The following PTP4A3 variants were observed in gnomAD, a reference collection of about 807,000 sequenced individuals.
The protein encoded by PTP4A3 is protein tyrosine phosphatase 4A3, also known as protein tyrosine phosphatase type IVA 3.
In PTP4A3, 9 loss-of-function variants were observed where a neutral mutation model predicts 15.2. The ratio of observed to expected loss-of-function variants is 0.59; its 90% CI spans 0.36 to 1.03. The LOEUF (loss-of-function observed/expected upper bound fraction) is 1.03. Among genes scored for constraint, PTP4A3 ranks in the 50% least tolerant of loss-of-function variants. The pLI is 0.02. For synonymous variants in PTP4A3, 95 were observed against 102.0 expected (o/e 0.93, Z 0.41); for missense variants, 234 against 252.1 (o/e 0.93, Z 0.49).
rs987948605 is a variant in PTP4A3, at chr8:141,425,727, G to A, written c.198+587G>A. ...CCCTGGTGCAGGCCTGCCCAGCTGCGCCTGGGCCTCAGTCTCCTCAGTGCG... is the reference window on the plus strand; with the variant it reads ...CCCTGGTGCAGGCCTGCCCAGCTGCACCTGGGCCTCAGTCTCCTCAGTGCG... On this transcript the variant is annotated intron_variant, in intron 3 of 5. Coordinates refer to ENST00000521578, the MANE Select transcript of PTP4A3 (RefSeq NM_032611.3). The surrounding 1 kb of genome is among the most constrained non-coding windows in gnomAD (Gnocchi z 4.2). Among the ~76,000 whole-genome samples, 24 of 152,190 alleles carry A rather than the reference G, an allele frequency of 1.6e-4. No individual in the cohort carries two copies. The highest frequency in any genetic ancestry group is 4.6e-4 in the Admixed American group (7 of 15,292).
intron 2 of PTP4A3, among the ~76,000 whole-genome samples, chr8:141,424,023 C>A (rs999148211): frequency 6.6e-5 from 10 of 152,070 alleles, no homozygotes; most frequent in Admixed American, 1.3e-4. Flanking sequence ...TCAGGAAGGG[C>A]TCAGCCTGTG....
intron 1 of PTP4A3, among the ~76,000 whole-genome samples, chr8:141,408,842 C>T (rs1832796492): frequency 6.6e-6 from 1 of 152,196 alleles, no homozygotes; most frequent in Non-Finnish European, 1.5e-5. Context: ...ACCCAGGGCT[C>T]AGGGCAGGGC....
intron 1 of PTP4A3, among the ~76,000 whole-genome samples, chr8:141,408,049 C>G (rs913794548): frequency 2.6e-5 from 4 of 152,200 alleles, no homozygotes; most frequent in Admixed American, 6.5e-5. Flanking sequence ...GGAGCGGGCA[C>G]AGACTCAGGC....
chr8:141,399,891 G>A (rs1426696107), intron 1 of PTP4A3, among the ~76,000 whole-genome samples: 3 of 152,198 alleles, frequency 2.0e-5, no homozygotes, highest in African/African-American at 4.8e-5. Context: ...TTTGAACAAC[G>A]CTTCAAACAT....
chr8:141,424,578 G>A (rs1833480288), intron 2 of PTP4A3, among the ~76,000 whole-genome samples: 1 of 152,264 alleles, frequency 6.6e-6, no homozygotes, highest in South Asian at 2.1e-4. Flanking sequence ...GGACCCAGTA[G>A]CTTTTCTGGA....
chr8:141,421,997 C>G lies in PTP4A3; in HGVS notation c.-244C>G, dbSNP rs902519054. 13 of 482,330 alleles carry G rather than the reference C, an allele frequency of 2.7e-5. No individual in the cohort carries two copies. The highest frequency in any genetic ancestry group is 2.4e-4 in the African/African-American group (12 of 49,474). The allele number at this position is 482,330 out of a possible 1,614,324, so 29.9% of individuals were successfully genotyped here. ...GGCGGCGGGCTGTTTTGTTCCTTTT[C>G]TTTTTTAAGAGTTGGGTTTTCTTTT... On this transcript the variant is annotated 5_prime_UTR_variant, in exon 2 of 6. Transcript: ENST00000521578.
rs2130242572 is a variant in PTP4A3, at chr8:141,424,976, G to A, written c.106-72G>A. The A allele has an allele frequency of 3.0e-6, 4 of 1,313,588 alleles. No individual in the cohort carries two copies. The East Asian group carries it at 9.6e-5, about 31-fold the overall frequency. 81.4% of individuals were successfully genotyped at this position (1,313,588 alleles called of 1,614,324 possible). A position where few individuals can be genotyped will look rare whatever the true frequency, so the allele number is the denominator to read the frequency against. ...GACACAGCTGTGCCCTGGGAGCCCT[G>A]GTGAGTGGGTCCTGCCCCCTGAGCC... On this transcript the variant is annotated intron_variant, in intron 2 of 5. Transcript: ENST00000521578.
chr8:141,392,948 T>C (rs939914513), intron 1 of PTP4A3, among the ~76,000 whole-genome samples: 1 of 152,152 alleles, frequency 6.6e-6, no homozygotes, highest in Non-Finnish European at 1.5e-5. Flanking sequence ...CCCCTCTCTC[T>C]GCCTGCGGGC....
At chr8:141,416,267 T>G (rs1554618893) in intron 1 of PTP4A3, among the ~76,000 whole-genome samples, 1 of 150,586 alleles carries the variant, frequency 6.6e-6, no homozygotes, top group Non-Finnish European at 1.5e-5. Context: ...CCCAGAGGGC[T>G]AGGGTGGGGA....
intron 1 of PTP4A3, among the ~76,000 whole-genome samples, chr8:141,395,876 C>T (rs538850827): frequency 6.6e-6 from 1 of 152,316 alleles, no homozygotes; most frequent in South Asian, 2.1e-4. Context: ...TGTAGGGGTG[C>T]CCTCATGTCA....
At chr8:141,414,043 G>C (rs1832946215) in intron 1 of PTP4A3, among the ~76,000 whole-genome samples, 1 of 151,626 alleles carries the variant, frequency 6.6e-6, no homozygotes, top group Non-Finnish European at 1.5e-5. Flanking sequence ...CATCTGATCT[G>C]GTCATCTGTT....
Position 141,422,288 on chromosome 8 carries a change from C to T in PTP4A3, c.48C>T (p.His16=). ...RPAPVEVSYK[H]MRFLITHNPT... The stretch of plus-strand genomic sequence containing the variant: ...CCCCGGTGGAGGTGAGCTACAAACA[C>T]ATGCGCTTCCTCATCACCCACAACC... Residue 16 remains histidine, a synonymous_variant, in exon 2 of 6, where the codon CAC becomes CAT. Transcript: ENST00000521578. 6.2e-7 allele frequency: 1 copy of T among 1,613,382 alleles called. No homozygotes were observed. The highest frequency in any genetic ancestry group is 8.5e-7 in the Non-Finnish European group (1 of 1,180,008).
At chr8:141,409,977 A>C (rs1832826257) in intron 1 of PTP4A3, among the ~76,000 whole-genome samples, 1 of 152,172 alleles carries the variant, frequency 6.6e-6, no homozygotes, top group Non-Finnish European at 1.5e-5. Flanking sequence ...CCGGGAGCTA[A>C]ACTTGCTACC....
chr8:141,397,254 G>A (rs976060753), intron 1 of PTP4A3, among the ~76,000 whole-genome samples: 1 of 152,212 alleles, frequency 6.6e-6, no homozygotes, highest in Non-Finnish European at 1.5e-5. Flanking sequence ...AACAGGACAG[G>A]CTGCCTGCCC....
Position 141,406,102 on chromosome 8 carries a change from G to A in PTP4A3, c.-854+14018G>A, listed in dbSNP as rs974663608. On this transcript the variant is annotated intron_variant, in intron 1 of 5. Transcript: ENST00000521578. This position sits in a 1 kb window ranked among gnomAD's most constrained non-coding sequence, Gnocchi z 4.5. ...AGGGGGCTATGATCTGACTTAGGTCGAGGACACTGGTGGGGGCAGTGGTGG... is the reference window on the plus strand; with the variant it reads ...AGGGGGCTATGATCTGACTTAGGTCAAGGACACTGGTGGGGGCAGTGGTGG... Among the ~76,000 whole-genome samples, 1 of 152,140 alleles carries A rather than the reference G, an allele frequency of 6.6e-6. No homozygotes were observed. Among genetic ancestry groups the A allele is most frequent in the Admixed American group, 6.5e-5 (1 of 15,280 alleles).
rs1188817932 is a variant in PTP4A3, at chr8:141,406,842, G to A, written c.-853-14546G>A. Among the ~76,000 whole-genome samples the A allele has an allele frequency of 1.3e-5, 2 of 152,204 alleles. No individual in the cohort carries two copies. The highest frequency in any genetic ancestry group is 2.9e-5 in the Non-Finnish European group (2 of 68,030). On this transcript the variant is annotated intron_variant, in intron 1 of 5. Coordinates refer to ENST00000521578, the MANE Select transcript of PTP4A3 (RefSeq NM_032611.3). This position sits in a 1 kb window ranked among gnomAD's most constrained non-coding sequence, Gnocchi z 4.5. ...CTTTGCCTCCTGCTGTTCCCACTGA[G>A]CGAATTAAATAAGTCTTTGCCCTGT...
intron 1 of PTP4A3, among the ~76,000 whole-genome samples, chr8:141,419,080 G>A (rs977665074): frequency 1.6e-4 from 25 of 152,134 alleles, no homozygotes; most frequent in African/African-American, 5.1e-4. Context: ...ACCCCTGAGC[G>A]TAGCCCAGGC....
At chr8:141,407,316 G>A (rs564971745) in intron 1 of PTP4A3, among the ~76,000 whole-genome samples, 44 of 152,304 alleles carry the variant, frequency 2.9e-4, no homozygotes, top group African/African-American at 1.0e-3. Context: ...TCAACCTCCC[G>A]TACCCAATGG....
Position 141,425,309 on chromosome 8 carries a change from T to C in PTP4A3, c.198+169T>C, listed in dbSNP as rs1266190184. ...GTACATCAAGGGAAGGCCAGGGTGT[T>C]GGGCCGTGTGACCTCAAGAAAGTCA... is the stretch of plus-strand genomic sequence containing the variant. On this transcript the variant is annotated intron_variant, in intron 3 of 5. Coordinates refer to ENST00000521578, the MANE Select transcript of PTP4A3 (RefSeq NM_032611.3). The surrounding 1 kb of genome is among the most constrained non-coding windows in gnomAD (Gnocchi z 4.2). Among the ~76,000 whole-genome samples the C allele has an allele frequency of 1.3e-5, 2 of 151,996 alleles. No individual in the cohort carries two copies. Among genetic ancestry groups the C allele is most frequent in the Non-Finnish European group, 2.9e-5 (2 of 67,978 alleles).
Sources: gnomAD v4.1 joint callset for allele counts (sites outside exome capture counted in the v4.1 genomes callset) on GRCh38, gnomAD v4.1.1 for gene constraint, Gnocchi (gnomAD v3.1) non-coding constraint, MANE v1.5 for transcripts, NCBI Gene and HGNC (gene_info 2026-07-23, HGNC 2026-07-21) for gene names.